Variants in UIMC1 observed in about 807,000 individuals in gnomAD.
UIMC1 encodes ubiquitin interaction motif containing 1.
UIMC1 carries 42 observed loss-of-function variants against 84.9 expected under a neutral mutation model. The observed-to-expected ratio is 0.49, with a 90% CI of 0.39 to 0.64. The LOEUF (loss-of-function observed/expected upper bound fraction) is 0.64. Among genes scored for constraint, UIMC1 ranks in the 30% least tolerant of loss-of-function variants. The pLI, the probability that UIMC1 is intolerant of heterozygous loss-of-function variation, is 0.00. For synonymous variants in UIMC1, 281 were observed against 293.0 expected (o/e 0.96, Z 0.42); for missense variants, 825 against 847.6 (o/e 0.97, Z 0.33).
At chr5:176,988,201 A>G (rs1202647458) in intron 1 of UIMC1, among the ~76,000 whole-genome samples, 4 of 151,660 alleles carry the variant, frequency 2.6e-5, no homozygotes, top group African/African-American at 9.7e-5. Flanking sequence ...ACAATGAAAT[A>G]TCACTTTATA....
In UIMC1 at chr5:176,957,473, C is replaced by A. The variant is rs186104041; in HGVS notation, c.1262+620G>T. 2.6e-5 allele frequency among the ~76,000 whole-genome samples: 4 copies of A among 152,148 alleles called. No homozygotes were observed. The East Asian group carries it at 7.7e-4, about 29-fold the overall frequency. On this transcript the variant is annotated intron_variant, in intron 7 of 14. Transcript: ENST00000511320. Reference sequence around the variant, plus strand: ...AAAGTAAGAAGACTTAGAAGGTAAGCCCATCAATCAATCAGCAAGAACAAT... The same window carrying A: ...AAAGTAAGAAGACTTAGAAGGTAAGACCATCAATCAATCAGCAAGAACAAT...
intron 6 of UIMC1, among the ~76,000 whole-genome samples, chr5:176,967,268 A>T (rs1318064980): frequency 1.3e-5 from 2 of 151,920 alleles, no homozygotes; most frequent in Admixed American, 1.3e-4. Context: ...TGACTAATCC[A>T]CACATGGTAT....
At chr5:176,941,701 CCA>C (rs1399519278) in intron 10 of UIMC1, among the ~76,000 whole-genome samples, 1 of 152,136 alleles carries the variant, frequency 6.6e-6, no homozygotes, top group African/African-American at 2.4e-5. Flanking sequence ...GCATGTTAGA[CCA>C]CAGAGAGCTG....
At chr5:176,997,013 G>T (rs1011250332) in intron 1 of UIMC1, among the ~76,000 whole-genome samples, 1 of 152,088 alleles carries the variant, frequency 6.6e-6, no homozygotes, top group African/African-American at 2.4e-5. Context: ...TGCTCAGCGG[G>T]ATCTATGTGC....
chr5:176,948,129 C>T (rs1765372897), intron 9 of UIMC1, among the ~76,000 whole-genome samples: 1 of 152,116 alleles, frequency 6.6e-6, no homozygotes, highest in Non-Finnish European at 1.5e-5. Context: ...CTCTGAATAA[C>T]TTCTATTAGC....
intron 1 of UIMC1, among the ~76,000 whole-genome samples, chr5:176,984,118 C>A: frequency 8.4e-6 from 1 of 118,402 alleles, no homozygotes; most frequent in African/African-American, 3.4e-5. Flanking sequence ...GCCGCCCTGT[C>A]TGGAAAGTGA....
chr5:177,016,734 T>G (rs1270845600), intron 1 of UIMC1, among the ~76,000 whole-genome samples: 2 of 148,260 alleles, frequency 1.3e-5, no homozygotes, highest in Non-Finnish European at 3.0e-5. Context: ...AAGAAAATTA[T>G]CCAGTAGGCC....
intron 9 of UIMC1, among the ~76,000 whole-genome samples, chr5:176,943,949 G>A (rs1370843717): frequency 6.6e-6 from 1 of 152,184 alleles, no homozygotes; most frequent in East Asian, 1.9e-4. Context: ...AAAACTTGAG[G>A]GCACTGATCT....
intron 10 of UIMC1, among the ~76,000 whole-genome samples, chr5:176,931,245 C>T (rs796443577): frequency 6.6e-6 from 1 of 152,134 alleles, no homozygotes; most frequent in South Asian, 2.1e-4. Flanking sequence ...ATTTCTTGAA[C>T]TTTTATCTTT....
At chr5:176,999,834 C>T (rs765233475) in intron 1 of UIMC1, among the ~76,000 whole-genome samples, 2 of 152,184 alleles carry the variant, frequency 1.3e-5, no homozygotes, top group Non-Finnish European at 2.9e-5. Flanking sequence ...CATATCTTGG[C>T]TATTGTAAAT....
chr5:176,987,818 T>C (rs770153714), intron 1 of UIMC1, among the ~76,000 whole-genome samples: 1 of 150,890 alleles, frequency 6.6e-6, no homozygotes, highest in Non-Finnish European at 1.5e-5. Flanking sequence ...AGCAAGACCC[T>C]GTCTCACAAA....
rs558954866 is a variant in UIMC1, at chr5:176,950,056, G to A, written c.1443+1418C>T. On this transcript the variant is annotated intron_variant, in intron 9 of 14. Transcript: ENST00000511320. ...GCAGACAAGAGCAAGACTTTGTCTC[G>A]AGGAGAAAAAATACAAAATTCCAGA... 4.7e-5 allele frequency among the ~76,000 whole-genome samples: 7 copies of A among 147,374 alleles called. No individual in the cohort carries two copies. In the South Asian group the frequency reaches 1.1e-3, roughly 23 times the overall value.
At chr5:176,945,524 TCC>T (rs1764982529) in intron 9 of UIMC1, among the ~76,000 whole-genome samples, 1 of 152,154 alleles carries the variant, frequency 6.6e-6, no homozygotes, top group Non-Finnish European at 1.5e-5. Flanking sequence ...GTGATGTGCT[TCC>T]CCCTGTAGAG....
At chr5:176,948,883 A>G (rs1765470973) in intron 9 of UIMC1, among the ~76,000 whole-genome samples, 1 of 152,118 alleles carries the variant, frequency 6.6e-6, no homozygotes, top group Non-Finnish European at 1.5e-5. Context: ...AAGAGTCCAC[A>G]CCCTTTATAC....
chr5:176,924,833 G>A (rs972763113), intron 10 of UIMC1, among the ~76,000 whole-genome samples: 2 of 152,000 alleles, frequency 1.3e-5, no homozygotes, highest in Admixed American at 6.6e-5. Context: ...AAGGTCAGGA[G>A]ATCAAGACCA....
intron 1 of UIMC1, among the ~76,000 whole-genome samples, chr5:176,991,715 G>A (rs1028320321): frequency 4.0e-5 from 6 of 150,496 alleles, no homozygotes; most frequent in East Asian, 3.9e-4. Flanking sequence ...GGCAGATCAC[G>A]AGGTCAGGAG....
intron 10 of UIMC1, among the ~76,000 whole-genome samples, chr5:176,937,202 A>G (rs952886033): frequency 1.3e-5 from 2 of 152,208 alleles, no homozygotes; most frequent in African/African-American, 4.8e-5. Context: ...TTACCTTTAA[A>G]GAGCATTCCC....
chr5:176,978,132 G>A (rs1221399445), intron 2 of UIMC1, among the ~76,000 whole-genome samples: 1 of 152,056 alleles, frequency 6.6e-6, no homozygotes, highest in Non-Finnish European at 1.5e-5. Context: ...AGCACTTTGG[G>A]AGGCCGAGGC....
At chr5:176,988,880 C>T (rs915064247) in intron 1 of UIMC1, among the ~76,000 whole-genome samples, 4 of 152,006 alleles carry the variant, frequency 2.6e-5, no homozygotes, top group Non-Finnish European at 5.9e-5. Context: ...GATGGGGTTT[C>T]ACCATGTTGG....
Sources: gnomAD v4.1 joint callset for allele counts (sites outside exome capture counted in the v4.1 genomes callset) on GRCh38, gnomAD v4.1.1 for gene constraint, MANE v1.5 for transcripts, NCBI Gene and HGNC (gene_info 2026-07-23, HGNC 2026-07-21) for gene names.